The following EYA2 variants were observed in gnomAD, a reference collection of about 807,000 sequenced individuals.
EYA2 encodes EYA transcriptional coactivator and phosphatase 2, also known as protein phosphatase EYA2.
Under a neutral mutation model 69.2 loss-of-function variants are expected in EYA2, and 31 were observed. The ratio of observed to expected loss-of-function variants is 0.45; its 90% CI spans 0.34 to 0.60. The LOEUF is 0.60. EYA2 is among the 20% of genes least tolerant of loss of function. EYA2 has a pLI of 0.02. For missense variants in EYA2, 622 were observed against 701.2 expected, an observed-to-expected ratio of 0.89 and a Z score of 1.28; for synonymous variants, 257 against 279.4, an observed-to-expected ratio of 0.92 and a Z score of 0.80.
chr20:47,100,194 A>G (rs1362484910), intron 9 of EYA2, among the ~76,000 whole-genome samples: 1 of 152,236 alleles, frequency 6.6e-6, no homozygotes, highest in Non-Finnish European at 1.5e-5. Flanking sequence ...TACTGCAGAT[A>G]TTTCTCTTTG....
intron 1 of EYA2, chr20:46,901,220 A>G (rs1487421414): frequency 6.6e-6 from 1 of 152,174 alleles, no homozygotes; most frequent in African/African-American, 2.4e-5. Flanking sequence ...TCTTACTCCA[A>G]AGCAGATGTT....
chr20:46,897,896 GT>G, intron 1 of EYA2, among the ~76,000 whole-genome samples: 1 of 152,150 alleles, frequency 6.6e-6, no homozygotes, highest in Non-Finnish European at 1.5e-5. Context: ...TCAATTATAA[GT>G]ATTAGGCAGT....
intron 4 of EYA2, among the ~76,000 whole-genome samples, chr20:47,011,181 G>A (rs1214300872): frequency 6.6e-6 from 1 of 152,122 alleles, no homozygotes; most frequent in African/African-American, 2.4e-5. Context: ...TGAAGATGGG[G>A]AAGCACTAAT....
chr20:47,047,226 A>G (rs564282924), intron 5 of EYA2, among the ~76,000 whole-genome samples: 2 of 152,194 alleles, frequency 1.3e-5, no homozygotes, highest in East Asian at 3.9e-4. Context: ...GCAGTTCCCC[A>G]TTAAACGTGG....
intron 1 of EYA2, among the ~76,000 whole-genome samples, chr20:46,910,460 G>T (rs551573050): frequency 5.3e-5 from 8 of 152,122 alleles, no homozygotes; most frequent in Non-Finnish European, 1.0e-4. Flanking sequence ...GTGTGGACAC[G>T]CATCCAAACC....
chr20:47,007,598 T>C (rs1170638123), intron 4 of EYA2, among the ~76,000 whole-genome samples: 1 of 151,866 alleles, frequency 6.6e-6, no homozygotes, highest in African/African-American at 2.4e-5. Flanking sequence ...CTTAGGTGGG[T>C]TTTTTTTAAT....
At position 47,097,146 on chromosome 20, in the gene EYA2, C is replaced by T. The variant is rs1360315686; in HGVS notation, c.866C>T (p.Thr289Ile). The T allele has an allele frequency of 5.6e-6, 9 of 1,610,654 alleles. No individual in the cohort carries two copies. The highest frequency in any genetic ancestry group is 1.7e-5 in the Admixed American group (1 of 59,320). The change falls in exon 9 of 16, where the codon ACA becomes ATA. Residue 289 changes from threonine (T) to isoleucine (I), a missense_variant. Thr to Ile is a moderately conservative substitution (Grantham distance 89). Transcript: ENST00000327619. ...ATTTTTCACTCCTTACTCACGGGGA[C>T]ATTTGCATCCAGATACGGGAAGGTA... ...IIIFHSLLTG[T>I]FASRYGKDTT...
At chr20:47,059,810 C>G (rs1349236679) in intron 5 of EYA2, among the ~76,000 whole-genome samples, 2 of 152,216 alleles carry the variant, frequency 1.3e-5, no homozygotes, top group African/African-American at 2.4e-5. Flanking sequence ...GATTCTCCAT[C>G]ATCAGGACCC....
At chr20:47,012,944 A>T (rs1171756531) in intron 4 of EYA2, among the ~76,000 whole-genome samples, 1 of 152,244 alleles carries the variant, frequency 6.6e-6, no homozygotes, top group Non-Finnish European at 1.5e-5. Context: ...TGCATGGACC[A>T]CAGTCTGGAC....
At chr20:47,099,808 A>G (rs1361770095) in intron 9 of EYA2, among the ~76,000 whole-genome samples, 1 of 56,488 alleles carries the variant, frequency 1.8e-5, no homozygotes, top group Non-Finnish European at 3.4e-5. Flanking sequence ...TTTTCCATTC[A>G]TGTCATAATT....
At chr20:46,940,100 C>G (rs947897983) in intron 1 of EYA2, among the ~76,000 whole-genome samples, 4 of 152,190 alleles carry the variant, frequency 2.6e-5, no homozygotes, top group Non-Finnish European at 5.9e-5. Context: ...TGTCAGAAAT[C>G]TTCATGGAGG....
At chr20:47,184,326 T>G (rs971102947) in intron 15 of EYA2, among the ~76,000 whole-genome samples, 3 of 152,036 alleles carry the variant, frequency 2.0e-5, no homozygotes, top group Non-Finnish European at 4.4e-5. Flanking sequence ...CCTAACCCCA[T>G]GCCCTTCACC....
chr20:47,164,478 G>A (rs910464054), intron 10 of EYA2, among the ~76,000 whole-genome samples: 1 of 152,236 alleles, frequency 6.6e-6, no homozygotes, highest in African/African-American at 2.4e-5. Context: ...GGCCTGGGGG[G>A]CGGAGGGGGT....
At chr20:46,905,350 C>T (rs950416631) in intron 1 of EYA2, among the ~76,000 whole-genome samples, 6 of 152,202 alleles carry the variant, frequency 3.9e-5, no homozygotes, top group African/African-American at 1.2e-4. Context: ...CCTCCTGGAA[C>T]AAGGTCACAA....
chr20:46,937,924 A>G (rs1405962001), intron 1 of EYA2, among the ~76,000 whole-genome samples: 1 of 152,198 alleles, frequency 6.6e-6, no homozygotes, highest in Non-Finnish European at 1.5e-5. Flanking sequence ...TTAAAGGTGT[A>G]TCCTATGGGG....
chr20:47,061,937 C>A (rs541219051), intron 5 of EYA2, among the ~76,000 whole-genome samples: 1 of 152,210 alleles, frequency 6.6e-6, no homozygotes, highest in Non-Finnish European at 1.5e-5. Context: ...CTCAGGAGGA[C>A]TTGGAACCTC....
chr20:47,164,360 CAG>C (rs2034137234), intron 10 of EYA2, among the ~76,000 whole-genome samples: 2 of 152,306 alleles, frequency 1.3e-5, no homozygotes, highest in African/African-American at 2.4e-5. Flanking sequence ...ATGAGAAAAA[CAG>C]AGCCTCCCCA....
intron 1 of EYA2, among the ~76,000 whole-genome samples, chr20:46,962,580 A>G (rs949865809): frequency 4.6e-5 from 7 of 152,112 alleles, no homozygotes; most frequent in African/African-American, 1.7e-4. Context: ...TCCTCAGTCT[A>G]CTTAATCCCT....
intron 1 of EYA2, among the ~76,000 whole-genome samples, chr20:46,952,353 A>G (rs955963359): frequency 2.6e-5 from 4 of 152,180 alleles, no homozygotes; most frequent in African/African-American, 9.7e-5. Context: ...GGGATCAGAC[A>G]GGGCCTCATG....
Sources: allele counts gnomAD v4.1 joint callset (sites outside exome capture counted in the v4.1 genomes callset), GRCh38; gene constraint gnomAD v4.1.1; transcripts MANE v1.5; gene names NCBI Gene and HGNC (gene_info 2026-07-23, HGNC 2026-07-21).